The following CTNNA3 variants were observed in gnomAD, a reference collection of about 807,000 sequenced individuals.
CTNNA3 encodes catenin alpha-3.
A neutral mutation model predicts 95.7 loss-of-function variants in CTNNA3; 76 were observed. That is an observed-to-expected ratio of 0.79 (90% CI 0.66 to 0.96). The LOEUF (loss-of-function observed/expected upper bound fraction) is 0.96. Ranked by LOEUF, CTNNA3 falls within the 40% of genes least tolerant of loss-of-function variation. The pLI, the probability that CTNNA3 is intolerant of heterozygous loss-of-function variation, is 0.00. For synonymous variants in CTNNA3, 431 were observed against 374.4 expected, an observed-to-expected ratio of 1.15 and a Z score of -1.74; for missense variants, 1,191 against 1,089.8, an observed-to-expected ratio of 1.09 and a Z score of -1.31.
intron 11 of CTNNA3, among the ~76,000 whole-genome samples, chr10:66,492,517 G>C (rs1565015962): frequency 6.7e-6 from 1 of 149,710 alleles, no homozygotes; most frequent in African/African-American, 2.5e-5. Context: ...CTTCTTTGCT[G>C]TTCATGCTCA....
chr10:67,669,568 C>T (rs1219802058), intron 1 of CTNNA3, among the ~76,000 whole-genome samples: 1 of 152,142 alleles, frequency 6.6e-6, no homozygotes, highest in Non-Finnish European at 1.5e-5. Flanking sequence ...CCAATTTACC[C>T]TGTTTTCCTG....
At chr10:66,957,089 A>T (rs1848832440) in intron 7 of CTNNA3, among the ~76,000 whole-genome samples, 1 of 152,168 alleles carries the variant, frequency 6.6e-6, no homozygotes, top group African/African-American at 2.4e-5. Flanking sequence ...TATCTATCAC[A>T]CATTTCCTGA....
chr10:66,613,473 G>A (rs1844400947), intron 10 of CTNNA3, among the ~76,000 whole-genome samples: 1 of 151,984 alleles, frequency 6.6e-6, no homozygotes, highest in Admixed American at 6.6e-5. Context: ...CTGTGTAATT[G>A]GAACAAGATA....
At chr10:67,200,590 A>G (rs1047689699) in intron 6 of CTNNA3, among the ~76,000 whole-genome samples, 5 of 152,164 alleles carry the variant, frequency 3.3e-5, no homozygotes, top group African/African-American at 1.2e-4. Flanking sequence ...CAGGAAGGCC[A>G]GGAATAGGAG....
In CTNNA3 at chr10:66,368,588, T is replaced by C. The variant is rs187858018; in HGVS notation, c.1732+10564A>G. ...TAGATGGAAAAGACAAAACAAAACA[T>C]TGTTAGTACCTTGACTCAAAGTTAT... On this transcript the variant is annotated intron_variant, in intron 12 of 17. Transcript: ENST00000433211. Among the ~76,000 whole-genome samples, 5 of 152,228 alleles carry C rather than the reference T, an allele frequency of 3.3e-5. No individual in the cohort carries two copies. In the South Asian group the frequency reaches 6.2e-4, roughly 19 times the overall value.
chr10:66,078,089 G>A (rs956220864), intron 14 of CTNNA3, among the ~76,000 whole-genome samples: 1 of 151,760 alleles, frequency 6.6e-6, no homozygotes, highest in South Asian at 2.1e-4. Context: ...TCCAACAACA[G>A]GCAAGTACTT....
chr10:66,342,398 T>C (rs1002520668), intron 12 of CTNNA3, among the ~76,000 whole-genome samples: 1 of 152,098 alleles, frequency 6.6e-6, no homozygotes, highest in Non-Finnish European at 1.5e-5. Context: ...TGTGTATTTA[T>C]AAATGACAGC....
chr10:66,354,329 GA>G (rs2092592333), intron 12 of CTNNA3, among the ~76,000 whole-genome samples: 1 of 136,326 alleles, frequency 7.3e-6, no homozygotes. Flanking sequence ...AAAAAAATAA[GA>G]GTCCCTTGTT....
At chr10:67,051,810 A>G (rs1293933929) in intron 7 of CTNNA3, among the ~76,000 whole-genome samples, 1 of 151,142 alleles carries the variant, frequency 6.6e-6, no homozygotes, top group African/African-American at 2.4e-5. Flanking sequence ...GCTGGAGTGC[A>G]GTGGCACCAT....
chr10:67,178,490 G>C (rs1862349680), intron 7 of CTNNA3, among the ~76,000 whole-genome samples: 1 of 151,914 alleles, frequency 6.6e-6, no homozygotes, highest in Non-Finnish European at 1.5e-5. Context: ...GAGAGACTGT[G>C]TAAGAAAGCT....
intron 9 of CTNNA3, among the ~76,000 whole-genome samples, chr10:66,763,341 C>CACACAGAG (rs371974709): frequency 3.5e-3 from 483 of 139,198 alleles, no homozygotes; most frequent in African/African-American, 0.012. Flanking sequence ...CACACACACA[C>CACACAGAG]AGAGAGAGAG....
chr10:67,364,436 A>C (rs890841702), intron 5 of CTNNA3, among the ~76,000 whole-genome samples: 3 of 152,010 alleles, frequency 2.0e-5, no homozygotes, highest in African/African-American at 7.2e-5. Flanking sequence ...CTCTCTCACC[A>C]CTCCTATTCA....
chr10:66,127,060 A>C (rs997339661), intron 13 of CTNNA3, among the ~76,000 whole-genome samples: 1 of 151,958 alleles, frequency 6.6e-6, no homozygotes, highest in Admixed American at 6.6e-5. Context: ...CGAGGTCAGG[A>C]GATAGAGACC....
chr10:66,783,205 A>G (rs1297446876), intron 7 of CTNNA3, among the ~76,000 whole-genome samples: 2 of 152,194 alleles, frequency 1.3e-5, no homozygotes, highest in Non-Finnish European at 2.9e-5. Context: ...CATGAAATAA[A>G]CATTCATGGG....
chr10:67,555,595 C>T (rs1242356090), intron 3 of CTNNA3, among the ~76,000 whole-genome samples: 3 of 152,152 alleles, frequency 2.0e-5, no homozygotes, highest in Non-Finnish European at 4.4e-5. Flanking sequence ...GATTTTTGTA[C>T]ATTGATTTTG....
At chr10:66,815,384 C>G (rs920308653) in intron 7 of CTNNA3, among the ~76,000 whole-genome samples, 1 of 152,156 alleles carries the variant, frequency 6.6e-6, no homozygotes, top group East Asian at 1.9e-4. Flanking sequence ...TGGTGAGAAT[C>G]AGTAGCCTGG....
At chr10:66,208,521 C>T (rs958451634) in intron 13 of CTNNA3, among the ~76,000 whole-genome samples, 7 of 151,986 alleles carry the variant, frequency 4.6e-5, no homozygotes, top group African/African-American at 9.7e-5. Flanking sequence ...GCCATGGGTG[C>T]TTCTATCATC....
intron 16 of CTNNA3, among the ~76,000 whole-genome samples, chr10:65,986,838 C>T (rs1363404611): frequency 1.3e-5 from 2 of 150,870 alleles, no homozygotes; most frequent in South Asian, 2.1e-4. Flanking sequence ...ACTAAAACTG[C>T]ATGGTACTGG....
chr10:67,485,366 A>T, intron 5 of CTNNA3, among the ~76,000 whole-genome samples: 1 of 152,150 alleles, frequency 6.6e-6, no homozygotes, highest in East Asian at 1.9e-4. Context: ...AAGAGGAGTA[A>T]TAGCTGAAAA....
Sources: gnomAD v4.1 joint callset for allele counts (sites outside exome capture counted in the v4.1 genomes callset) on GRCh38, gnomAD v4.1.1 for gene constraint, MANE v1.5 for transcripts, NCBI Gene and HGNC (gene_info 2026-07-23, HGNC 2026-07-21) for gene names.